Variants in DNAH14 observed in about 807,000 individuals in gnomAD.
DNAH14 encodes the protein axonemal beta dynein heavy chain 14.
Under a neutral mutation model 520.9 loss-of-function variants are expected in DNAH14, and 478 were observed. The observed-to-expected ratio is 0.92, with a 90% CI of 0.85 to 0.99. DNAH14 has a LOEUF of 0.99. Ranked by LOEUF, DNAH14 falls within the 50% of genes least tolerant of loss-of-function variation. The pLI, the probability that DNAH14 is intolerant of heterozygous loss-of-function variation, is 0.00. For synonymous variants in DNAH14, 1,581 were observed against 1,757.2 expected (o/e 0.90, Z 2.51); for missense variants, 4,831 against 5,234.5 (o/e 0.92, Z 2.38).
In DNAH14 at chr1:224,967,450, G is replaced by T; in HGVS notation, c.518G>T (p.Gly173Val). 6.4e-7 allele frequency: 1 copy of T among 1,552,600 alleles called. No homozygotes were observed. The highest frequency in any genetic ancestry group is 8.6e-7 in the Non-Finnish European group (1 of 1,156,976). ...ITLKKPLEDD[G>V]EFVYCLPRKS... ...TCTCAGAAACCTTTGGAAGATGATG[G>T]AGAATTTGTTTATTGCCTTCCTCGG... The change falls in exon 6 of 86, where the codon GGA becomes GTA. Residue 173 changes from glycine (G) to valine (V), a missense_variant. By Grantham distance (109) the Gly-to-Val change is moderately radical. Transcript: ENST00000682510.
intron 36 of DNAH14, among the ~76,000 whole-genome samples, chr1:225,173,905 A>G (rs2083004351): frequency 6.6e-6 from 1 of 152,268 alleles, no homozygotes; most frequent in South Asian, 2.1e-4. Flanking sequence ...TGTGGCACAT[A>G]TACACCATGG....
chr1:225,224,808 GC>G (rs1297799011), intron 41 of DNAH14, among the ~76,000 whole-genome samples: 2 of 152,128 alleles, frequency 1.3e-5, no homozygotes, highest in Non-Finnish European at 2.9e-5. Context: ...CTTAATATTG[GC>G]CCTGGAGGCC....
chr1:225,264,401 C>T (rs2093042411), intron 47 of DNAH14, 140 bp downstream of exon 47: 4 of 761,584 alleles, frequency 5.3e-6, no homozygotes, highest in African/African-American at 1.8e-5. Context: ...AAAACTATCC[C>T]ACACCCTCTC....
At chr1:225,193,106 A>G (rs983016875) in intron 38 of DNAH14, among the ~76,000 whole-genome samples, 195 bp downstream of exon 38, 20 of 152,168 alleles carry the variant, frequency 1.3e-4, no homozygotes, top group Non-Finnish European at 1.0e-4. Flanking sequence ...TTTTTAAATG[A>G]TCAGTAAATG....
chr1:225,210,169 C>T (rs2088178144), intron 41 of DNAH14, among the ~76,000 whole-genome samples: 3 of 152,128 alleles, frequency 2.0e-5, no homozygotes, highest in East Asian at 1.9e-4. Context: ...GAATCATTCA[C>T]TGCCCTGGAA....
chr1:225,380,657 G>A (rs572966249), intron 80 of DNAH14, among the ~76,000 whole-genome samples: 8 of 152,282 alleles, frequency 5.3e-5, no homozygotes, highest in African/African-American at 9.6e-5. Flanking sequence ...CTGGAACAGC[G>A]GAAGTTTAGA....
intron 30 of DNAH14, among the ~76,000 whole-genome samples, chr1:225,145,840 G>A (rs1004549222): frequency 6.6e-6 from 1 of 152,114 alleles, no homozygotes; most frequent in African/African-American, 2.4e-5. Context: ...GTCTTGTTTC[G>A]TTTGCACATT....
At chr1:225,313,655 GGT>G (rs2150145989) in intron 60 of DNAH14, among the ~76,000 whole-genome samples, 1 of 152,206 alleles carries the variant, frequency 6.6e-6, no homozygotes, top group South Asian at 2.1e-4. Context: ...TGTTCTCATT[GGT>G]TTCAAATAAC....
chr1:225,226,814 G>A (rs2090581861), intron 41 of DNAH14, among the ~76,000 whole-genome samples: 1 of 152,186 alleles, frequency 6.6e-6, no homozygotes, highest in South Asian at 2.1e-4. Flanking sequence ...CAAGGGGGAT[G>A]TGGCAGAACT....
At chr1:225,124,751 T>A (rs1261792263) in intron 27 of DNAH14, among the ~76,000 whole-genome samples, 7 of 152,012 alleles carry the variant, frequency 4.6e-5, no homozygotes, top group Non-Finnish European at 1.0e-4. Flanking sequence ...CTTCCATGAA[T>A]ATGAATATTC....
At chr1:225,020,799 G>A (rs759002065) in intron 10 of DNAH14, among the ~76,000 whole-genome samples, 68 of 152,080 alleles carry the variant, frequency 4.5e-4, no homozygotes, top group Non-Finnish European at 7.1e-4. Context: ...GGACTCCTCC[G>A]TAACTTATTT....
intron 8 of DNAH14, among the ~76,000 whole-genome samples, chr1:224,986,002 C>T (rs543951636): frequency 9.9e-5 from 15 of 151,892 alleles, no homozygotes; most frequent in African/African-American, 3.6e-4. Flanking sequence ...GGAATAATAA[C>T]AGAGAACTTC....
intron 11 of DNAH14, among the ~76,000 whole-genome samples, chr1:225,031,145 A>T (rs1258509872): frequency 6.6e-6 from 1 of 152,080 alleles, no homozygotes; most frequent in Non-Finnish European, 1.5e-5. Context: ...AAATGGTACC[A>T]TATTTTAAAT....
At chr1:225,234,718 C>T (rs765530859) in intron 42 of DNAH14, among the ~76,000 whole-genome samples, 4 of 152,168 alleles carry the variant, frequency 2.6e-5, no homozygotes, top group Non-Finnish European at 5.9e-5. Context: ...TCTCTGATTT[C>T]CTTGAGCAGT....
At chr1:224,997,771 A>G (rs961335092) in intron 8 of DNAH14, among the ~76,000 whole-genome samples, 1 of 151,280 alleles carries the variant, frequency 6.6e-6, no homozygotes, top group African/African-American at 2.4e-5. Context: ...TTATTATTAT[A>G]CTTTAAGTTT....
intron 42 of DNAH14, among the ~76,000 whole-genome samples, chr1:225,236,564 T>A (rs2149603019): frequency 6.6e-6 from 1 of 152,290 alleles, no homozygotes; most frequent in African/African-American, 2.4e-5. Flanking sequence ...TGAGTTCACA[T>A]CCTGAATATC....
chr1:225,364,510 G>C (rs2095529826), intron 75 of DNAH14, among the ~76,000 whole-genome samples: 2 of 151,936 alleles, frequency 1.3e-5, no homozygotes, highest in Admixed American at 1.3e-4. Context: ...TCAATCAGTA[G>C]AACTCTTCAT....
intron 8 of DNAH14, among the ~76,000 whole-genome samples, chr1:224,986,779 A>G (rs184372734): frequency 3.3e-5 from 5 of 152,342 alleles, no homozygotes; most frequent in Admixed American, 2.6e-4. Context: ...TACAACAAAG[A>G]TGCCCATTTT....
intron 8 of DNAH14, among the ~76,000 whole-genome samples, chr1:224,986,106 C>T (rs1488011217): frequency 6.6e-6 from 1 of 151,604 alleles, no homozygotes; most frequent in African/African-American, 2.4e-5. Context: ...ATACCAGTAA[C>T]AAGTAAGAAG....
Sources: gnomAD v4.1 joint callset for allele counts (sites outside exome capture counted in the v4.1 genomes callset) on GRCh38, gnomAD v4.1.1 for gene constraint, MANE v1.5 for transcripts, NCBI Gene and HGNC (gene_info 2026-07-23, HGNC 2026-07-21) for gene names.